The following GSE1 variants were observed in gnomAD, a reference collection of about 807,000 sequenced individuals.
GSE1 encodes the protein genetic suppressor element 1.
In GSE1, 32 loss-of-function variants were observed where a neutral mutation model predicts 112.6. That is an observed-to-expected ratio of 0.28 (90% CI 0.21 to 0.38). The LOEUF is 0.38. Ranked by LOEUF, GSE1 falls within the 10% of genes least tolerant of loss-of-function variation. The pLI, the probability that GSE1 is intolerant of heterozygous loss-of-function variation, is 1.00. For missense variants in GSE1, 2,348 were observed against 1,699.2 expected, an observed-to-expected ratio of 1.38 and a Z score of -6.71; for synonymous variants, 1,115 against 735.6, an observed-to-expected ratio of 1.52 and a Z score of -8.35.
intron 14 of GSE1, among the ~76,000 whole-genome samples, 185 bp downstream of exon 14, chr16:85,668,609 C>T (rs575218729): frequency 2.0e-5 from 3 of 152,190 alleles, no homozygotes; most frequent in African/African-American, 7.2e-5. Context: ...ATGCTGGAAC[C>T]TGAGGCCAGT....
chr16:85,646,696 C>CGCTGCAG (rs1393959090), intron 2 of GSE1, among the ~76,000 whole-genome samples: 9 of 152,146 alleles, frequency 5.9e-5, no homozygotes, highest in Non-Finnish European at 5.9e-5. Context: ...GAGGTCTCCC[C>CGCTGCAG]GCTGCAGGCT....
chr16:85,610,332 AAG>A (rs1257175848), upstream of GSE1, among the ~76,000 whole-genome samples: 1 of 152,190 alleles, frequency 6.6e-6, no homozygotes, highest in Non-Finnish European at 1.5e-5. Flanking sequence ...GGTCCAGGGA[AAG>A]AGAGCTGTGC....
chr16:85,454,597 C>T (rs2049772383), intron 2 of GSE1, among the ~76,000 whole-genome samples: 1 of 152,244 alleles, frequency 6.6e-6, no homozygotes, highest in Admixed American at 6.5e-5. Flanking sequence ...ACTGACTCTC[C>T]CACAGTTCTG....
chr16:85,473,633 C>T (rs1005337534), intron 2 of GSE1, among the ~76,000 whole-genome samples: 1 of 152,206 alleles, frequency 6.6e-6, no homozygotes, highest in East Asian at 1.9e-4. Context: ...GGACACACAT[C>T]GTGGGATTTA....
chr16:85,378,597 C>T (rs1027785020), intron 2 of GSE1, among the ~76,000 whole-genome samples: 8 of 152,198 alleles, frequency 5.3e-5, no homozygotes, highest in Non-Finnish European at 7.4e-5. Flanking sequence ...TGGCGCCCTT[C>T]GTGCTGATTG....
chr16:85,527,813 G>A (rs998214809), intron 2 of GSE1, among the ~76,000 whole-genome samples: 1 of 152,246 alleles, frequency 6.6e-6, no homozygotes, highest in African/African-American at 2.4e-5. Flanking sequence ...AGTGACCGTC[G>A]AAGGAGGGGG....
At chr16:85,574,204 G>C (rs762637477) in intron 1 of GSE1, among the ~76,000 whole-genome samples, 25 of 152,210 alleles carry the variant, frequency 1.6e-4, no homozygotes, top group Non-Finnish European at 2.4e-4. Flanking sequence ...AGGGCCGGCC[G>C]TGGAAGTTGT....
chr16:85,431,172 C>G (rs6564120), intron 2 of GSE1, among the ~76,000 whole-genome samples: 87,703 of 151,982 alleles, frequency 0.58, 27,210 homozygotes, highest in Non-Finnish European at 0.7. Flanking sequence ...ACCTCTCAGT[C>G]TAGCCTGATA....
At chr16:85,468,013 A>C (rs1485111104) in intron 2 of GSE1, among the ~76,000 whole-genome samples, 1 of 152,202 alleles carries the variant, frequency 6.6e-6, no homozygotes, top group Non-Finnish European at 1.5e-5. Flanking sequence ...CTCTCGAGCC[A>C]GTGAGGGCTC....
intron 1 of GSE1, among the ~76,000 whole-genome samples, chr16:85,181,022 A>G (rs926715994): frequency 1.1e-4 from 17 of 152,252 alleles, no homozygotes; most frequent in Admixed American, 7.2e-4. Flanking sequence ...TATTTTACAT[A>G]TAGAAAGAAC....
upstream of GSE1, chr16:85,613,215 G>T: frequency 6.7e-7 from 1 of 1,488,666 alleles, no homozygotes; most frequent in Non-Finnish European, 8.9e-7. Context: ...GTTTGGGTGT[G>T]TCCTCGGCGG....
At chr16:85,472,242 A>G (rs1433826933) in intron 2 of GSE1, among the ~76,000 whole-genome samples, 1 of 152,188 alleles carries the variant, frequency 6.6e-6, no homozygotes, top group East Asian at 1.9e-4. Context: ...AACCACAGGA[A>G]TGTATTATTT....
chr16:85,501,493 A>G (rs1197305687), intron 2 of GSE1, among the ~76,000 whole-genome samples: 1 of 150,142 alleles, frequency 6.7e-6, no homozygotes, highest in Non-Finnish European at 1.5e-5. Flanking sequence ...CCTGGGTTCA[A>G]GCGATCTCCC....
intron 2 of GSE1, among the ~76,000 whole-genome samples, chr16:85,371,307 C>T (rs1203176439): frequency 6.6e-6 from 1 of 152,188 alleles, no homozygotes; most frequent in African/African-American, 2.4e-5. Context: ...CCCCACGCAG[C>T]GCCATGGAGG....
At chr16:85,473,643 A>C (rs2050363480) in intron 2 of GSE1, among the ~76,000 whole-genome samples, 1 of 152,198 alleles carries the variant, frequency 6.6e-6, no homozygotes. Flanking sequence ...CGTGGGATTT[A>C]GGACCTGCCC....
At chr16:85,363,028 G>A (rs1395172317) in intron 2 of GSE1, among the ~76,000 whole-genome samples, 1 of 151,944 alleles carries the variant, frequency 6.6e-6, no homozygotes, top group Non-Finnish European at 1.5e-5. Flanking sequence ...ATAGACATGG[G>A]GTTTCACCAT....
chr16:85,591,014 G>A (rs2046981143), intron 1 of GSE1, among the ~76,000 whole-genome samples: 1 of 152,210 alleles, frequency 6.6e-6, no homozygotes. Flanking sequence ...CAGGGCACAG[G>A]GCATTTGAGG....
intron 15 of GSE1, chr16:85,671,700 A>AGAAT (rs1397691462): frequency 6.5e-6 from 1 of 153,484 alleles, no homozygotes; most frequent in East Asian, 1.9e-4. Context: ...TGCTGTTTGT[A>AGAAT]GAATGAATTA....
chr16:85,331,483 GTA>G (rs1320375541), intron 1 of GSE1, among the ~76,000 whole-genome samples: 6,384 of 130,770 alleles, frequency 0.049, 276 homozygotes, highest in East Asian at 0.12. Flanking sequence ...GTATATATGT[GTA>G]TATATGTGTA....
Sources: allele counts gnomAD v4.1 joint callset (sites outside exome capture counted in the v4.1 genomes callset), GRCh38; gene constraint gnomAD v4.1.1; transcripts MANE v1.5; gene names NCBI Gene and HGNC (gene_info 2026-07-23, HGNC 2026-07-21).